Variants in TLL1 observed in about 807,000 individuals in gnomAD.
The protein encoded by TLL1 is tolloid-like protein 1.
TLL1 carries 49 observed loss-of-function variants against 128.2 expected under a neutral mutation model. The ratio of observed to expected loss-of-function variants is 0.38; its 90% CI spans 0.30 to 0.48. The LOEUF is 0.48. Ranked by LOEUF, TLL1 falls within the 20% of genes least tolerant of loss-of-function variation. TLL1 has a pLI of 0.96. For synonymous variants in TLL1, 454 were observed against 418.8 expected, an observed-to-expected ratio of 1.08 and a Z score of -1.03; for missense variants, 1,123 against 1,242.0, an observed-to-expected ratio of 0.90 and a Z score of 1.44.
chr4:166,079,835 T>A (rs1741206018), intron 18 of TLL1, among the ~76,000 whole-genome samples: 1 of 152,182 alleles, frequency 6.6e-6, no homozygotes, highest in South Asian at 2.1e-4. Flanking sequence ...TCAGTTCATT[T>A]TTTGCCCTTC....
intron 16 of TLL1, among the ~76,000 whole-genome samples, chr4:166,068,804 T>A (rs1579702827): frequency 6.6e-6 from 1 of 151,874 alleles, no homozygotes; most frequent in Non-Finnish European, 1.5e-5. Flanking sequence ...CTTTGTGGAC[T>A]CTTCTGTGCT....
At chr4:166,002,508 G>A (rs557523062) in intron 5 of TLL1, among the ~76,000 whole-genome samples, 35 of 152,016 alleles carry the variant, frequency 2.3e-4, no homozygotes, top group Non-Finnish European at 4.3e-4. Context: ...GCAGTGGTAC[G>A]ATCCTAGCTC....
chr4:166,020,042 G>C (rs1214552062), intron 8 of TLL1, among the ~76,000 whole-genome samples: 1 of 152,160 alleles, frequency 6.6e-6, no homozygotes, highest in African/African-American at 2.4e-5. Context: ...AGACAGGAGA[G>C]TAGTCTTTTT....
At chr4:165,892,667 C>T (rs1731480743) in intron 1 of TLL1, among the ~76,000 whole-genome samples, 1 of 152,098 alleles carries the variant, frequency 6.6e-6, no homozygotes, top group African/African-American at 2.4e-5. Flanking sequence ...AGATCAGGCC[C>T]ATTTCATAAA....
At chr4:165,936,206 A>ATTTTTTTTTTTTTT (rs199985086) in intron 1 of TLL1, among the ~76,000 whole-genome samples, 1 of 139,602 alleles carries the variant, frequency 7.2e-6, no homozygotes, top group African/African-American at 2.6e-5. Context: ...ATATATATAT[A>ATTTTTTTTTTTTTT]TTTTTTTTTC....
chr4:165,981,960 A>G (rs1046391477), intron 1 of TLL1, among the ~76,000 whole-genome samples: 1 of 152,036 alleles, frequency 6.6e-6, no homozygotes, highest in Non-Finnish European at 1.5e-5. Context: ...GATCATCAGC[A>G]TGATTTCAAA....
At chr4:165,886,677 T>C (rs111444553) in intron 1 of TLL1, among the ~76,000 whole-genome samples, 6,845 of 152,272 alleles carry the variant, frequency 0.045, 501 homozygotes, top group African/African-American at 0.15. Flanking sequence ...AAATCATCCC[T>C]AGATTCCATA....
intron 18 of TLL1, among the ~76,000 whole-genome samples, chr4:166,085,124 A>G (rs937199360): frequency 2.6e-5 from 4 of 151,694 alleles, no homozygotes; most frequent in African/African-American, 9.7e-5. Flanking sequence ...TTGCCTATTG[A>G]TTTTATATCT....
chr4:165,926,618 G>T (rs1283587423), intron 1 of TLL1, among the ~76,000 whole-genome samples: 1 of 152,268 alleles, frequency 6.6e-6, no homozygotes, highest in East Asian at 1.9e-4. Flanking sequence ...AATCACTCGA[G>T]TTCCATGTAT....
In TLL1 at chr4:165,873,834, C is replaced by A. The variant is rs891988814; in HGVS notation, c.-71C>A. ...AGAAGAGCACCGGTGCCCCTAGCCC[C>A]GCACATCAGCGCGGACCGCGGCTGC... On this transcript the variant is annotated 5_prime_UTR_variant, in exon 1 of 21. Coordinates refer to ENST00000061240, the MANE Select transcript of TLL1 (RefSeq NM_012464.5). 2 of 1,581,998 alleles carry A rather than the reference C, an allele frequency of 1.3e-6. No individual in the cohort carries two copies. The highest frequency in any genetic ancestry group is 1.7e-6 in the Non-Finnish European group (2 of 1,154,136).
intron 1 of TLL1, among the ~76,000 whole-genome samples, chr4:165,975,278 A>T (rs1356988235): frequency 1.3e-5 from 2 of 152,056 alleles, no homozygotes; most frequent in Non-Finnish European, 2.9e-5. Flanking sequence ...CCATCAAAGC[A>T]TCCTCTAAAA....
At chr4:166,039,515 AAG>A (rs1739150951) in intron 10 of TLL1, 74 bp downstream of exon 10, 1 of 1,056,260 alleles carries the variant, frequency 9.5e-7, no homozygotes, top group Non-Finnish European at 1.5e-6. Context: ...CGATTCTCTC[AAG>A]AGTCATCGTA....
chr4:166,076,029 T>C (rs544699812), intron 17 of TLL1, among the ~76,000 whole-genome samples: 15 of 152,202 alleles, frequency 9.9e-5, no homozygotes, highest in African/African-American at 3.6e-4. Context: ...ATTAAATCAA[T>C]AGATTAGGAA....
At chr4:165,980,389 C>T (rs746220353) in intron 1 of TLL1, among the ~76,000 whole-genome samples, 4 of 152,160 alleles carry the variant, frequency 2.6e-5, no homozygotes, top group Non-Finnish European at 2.9e-5. Flanking sequence ...TCCCCAGGAA[C>T]ATCCTTCTAT....
intron 1 of TLL1, among the ~76,000 whole-genome samples, chr4:165,975,993 A>G (rs1735859778): frequency 7.1e-6 from 1 of 140,714 alleles, no homozygotes; most frequent in Non-Finnish European, 1.5e-5. Context: ...AGCTCAGAAC[A>G]TACTACTGCA....
At chr4:165,949,265 G>T (rs1734398075) in intron 1 of TLL1, among the ~76,000 whole-genome samples, 1 of 152,162 alleles carries the variant, frequency 6.6e-6, no homozygotes, top group East Asian at 1.9e-4. Flanking sequence ...CCTCCACTCT[G>T]TTGATGCAAG....
intron 1 of TLL1, among the ~76,000 whole-genome samples, chr4:165,882,589 C>A (rs954438189): frequency 2.6e-5 from 4 of 151,942 alleles, no homozygotes; most frequent in Non-Finnish European, 4.4e-5. Context: ...GAAATAATGA[C>A]CTAAATCAGG....
intron 16 of TLL1, among the ~76,000 whole-genome samples, chr4:166,067,897 T>G (rs932866954): frequency 2.6e-5 from 4 of 151,836 alleles, no homozygotes; most frequent in African/African-American, 9.7e-5. Context: ...TTAAACCTAG[T>G]ATCTCTTGGT....
intron 11 of TLL1, among the ~76,000 whole-genome samples, chr4:166,042,749 C>T (rs1303228666): frequency 2.6e-5 from 4 of 152,172 alleles, no homozygotes; most frequent in Non-Finnish European, 4.4e-5. Context: ...AAGATTTCTG[C>T]TTCCCTTAAA....
Sources: allele counts gnomAD v4.1 joint callset (sites outside exome capture counted in the v4.1 genomes callset), GRCh38; gene constraint gnomAD v4.1.1; transcripts MANE v1.5; gene names NCBI Gene and HGNC (gene_info 2026-07-23, HGNC 2026-07-21).